Variants in CELF2 observed in about 807,000 individuals in gnomAD.
The protein encoded by CELF2 is CUG triplet repeat RNA-binding protein 2.
CELF2 carries 8 observed loss-of-function variants against 62.6 expected under a neutral mutation model. The observed-to-expected ratio is 0.13, with a 90% CI of 0.07 to 0.23. The LOEUF (loss-of-function observed/expected upper bound fraction) is 0.23, where lower values mean the gene tolerates loss of function less well. Ranked by LOEUF, CELF2 falls within the 10% of genes least tolerant of loss-of-function variation. CELF2 has a pLI of 1.00. For missense variants in CELF2, 333 were observed against 671.0 expected, an observed-to-expected ratio of 0.50 and a Z score of 5.56; for synonymous variants, 258 against 250.0, an observed-to-expected ratio of 1.03 and a Z score of -0.30.
In CELF2 at chr10:11,012,010, A is replaced by T. The variant is rs534476103; in HGVS notation, c.53+6570A>T. The stretch of plus-strand genomic sequence containing the variant: ...GTTAACACATTGTACTTCTTATCTG[A>T]GGATCATGGTAGGCTTTGATTTTTC... On this transcript the variant is annotated intron_variant, in intron 1 of 12. Coordinates refer to the CELF2 transcript ENST00000416382. This position sits in a 1 kb window ranked among gnomAD's most constrained non-coding sequence, Gnocchi z 5.5. Among the ~76,000 whole-genome samples, 9 of 152,338 alleles carry T rather than the reference A, an allele frequency of 5.9e-5. No homozygotes were observed. The South Asian group carries it at 1.7e-3, about 28-fold the overall frequency.
Position 11,039,488 on chromosome 10 carries a change from A to C in CELF2, c.74+21325A>C, listed in dbSNP as rs1352958064. ...TAGTCACGGTCACAGTGTGTACTCA[A>C]AGTACCTTAAAACGAGTTCAGAGTT... On this transcript the variant is annotated intron_variant, in intron 1 of 12. Coordinates refer to ENST00000633077, the MANE Select transcript of CELF2 (RefSeq NM_001326342.2). The surrounding 1 kb of genome is among the most constrained non-coding windows in gnomAD (Gnocchi z 4.1). Among the ~76,000 whole-genome samples the C allele has an allele frequency of 6.6e-6, 1 of 152,144 alleles. No individual in the cohort carries two copies. The highest frequency in any genetic ancestry group is 1.5e-5 in the Non-Finnish European group (1 of 68,026).
intron 2 of CELF2, among the ~76,000 whole-genome samples, chr10:10,962,844 C>T (rs1173612336): frequency 6.6e-6 from 1 of 152,216 alleles, no homozygotes; most frequent in Non-Finnish European, 1.5e-5. Context: ...AGTGGTCACT[C>T]AAACCCTCAG....
chr10:11,245,513 C>T (rs1009196935), intron 3 of CELF2, among the ~76,000 whole-genome samples: 1 of 152,182 alleles, frequency 6.6e-6, no homozygotes, highest in African/African-American at 2.4e-5. Context: ...TCTGACAATC[C>T]ACGGCTCTGC....
Position 11,220,555 on chromosome 10 carries a change from C to T in CELF2, c.354+3048C>T, listed in dbSNP as rs998620033. Among the ~76,000 whole-genome samples, 10 of 152,324 alleles carry T rather than the reference C, an allele frequency of 6.6e-5. No individual in the cohort carries two copies. The highest frequency in any genetic ancestry group is 1.0e-4 in the Non-Finnish European group (7 of 68,026). ...TTGAGGTGACAGATCAGGGCTCTTA[C>T]GGAGCAGTGCAAAATCATTGAAGAC... On this transcript the variant is annotated intron_variant, in intron 3 of 12. Transcript: ENST00000633077. The surrounding 1 kb of genome is among the most constrained non-coding windows in gnomAD (Gnocchi z 4.4).
the CELF2 span, among the ~76,000 whole-genome samples, chr10:10,464,424 CT>C: frequency 2.4e-4 from 36 of 151,186 alleles, no homozygotes; most frequent in African/African-American, 4.8e-4. Flanking sequence ...CAGTACTTGT[CT>C]TTTTTTTTAT....
the CELF2 span, among the ~76,000 whole-genome samples, chr10:10,547,692 A>AGAGAGAGTGTGTGTGTGTGTGT: frequency 8.0e-5 from 11 of 138,004 alleles, no homozygotes; most frequent in African/African-American, 2.2e-4. Context: ...AGAGAGAGAG[A>AGAGAGAGTGTGTGTGTGTGTGT]GTGTGTGTGT....
intron 1 of CELF2, among the ~76,000 whole-genome samples, chr10:11,051,036 C>CAGCTA (rs1487336243): frequency 6.6e-6 from 1 of 152,194 alleles, no homozygotes; most frequent in African/African-American, 2.4e-5. Flanking sequence ...CTATTTTTAG[C>CAGCTA]AGCTAGATCA....
the CELF2 span, among the ~76,000 whole-genome samples, chr10:10,652,948 C>T: frequency 6.6e-6 from 1 of 152,164 alleles, no homozygotes; most frequent in Non-Finnish European, 1.5e-5. Flanking sequence ...CAAGACCCAT[C>T]AGTGTGCTGT....
chr10:10,657,468 C>T, the CELF2 span, among the ~76,000 whole-genome samples: 7 of 151,934 alleles, frequency 4.6e-5, no homozygotes, highest in African/African-American at 1.5e-4. Flanking sequence ...ACTTTAAATG[C>T]GTGAGTTATA....
intron 1 of CELF2, among the ~76,000 whole-genome samples, chr10:10,897,528 C>T (rs2062646927): frequency 6.6e-6 from 1 of 152,090 alleles, no homozygotes; most frequent in African/African-American, 2.4e-5. Flanking sequence ...AATTCTCAAC[C>T]TATCCAGATA....
chr10:10,497,358 C>G, the CELF2 span, among the ~76,000 whole-genome samples: 1 of 152,074 alleles, frequency 6.6e-6, no homozygotes, highest in African/African-American at 2.4e-5. Flanking sequence ...GCATTCAGTT[C>G]ATGCAAAAAT....
chr10:10,558,671 C>G, the CELF2 span, among the ~76,000 whole-genome samples: 1 of 152,054 alleles, frequency 6.6e-6, no homozygotes, highest in Non-Finnish European at 1.5e-5. Flanking sequence ...GTCCTGGACT[C>G]TTTTTGCTTG....
intron 1 of CELF2, among the ~76,000 whole-genome samples, chr10:11,069,004 C>G (rs759982655): frequency 6.6e-6 from 1 of 152,202 alleles, no homozygotes; most frequent in Non-Finnish European, 1.5e-5. Flanking sequence ...ATTTCATCAT[C>G]TGAGGAATTT....
the CELF2 span, among the ~76,000 whole-genome samples, chr10:10,563,360 C>T: frequency 1.5e-4 from 23 of 151,998 alleles, no homozygotes; most frequent in African/African-American, 5.3e-4. Flanking sequence ...CCTCTAATCC[C>T]AGCACTTTGG....
chr10:10,700,028 C>T, the CELF2 span, among the ~76,000 whole-genome samples: 1 of 152,206 alleles, frequency 6.6e-6, no homozygotes, highest in Non-Finnish European at 1.5e-5. Flanking sequence ...CTGAGAATTT[C>T]ACCCCCACTA....
intron 1 of CELF2, among the ~76,000 whole-genome samples, chr10:11,147,973 CA>C (rs2062589189): frequency 6.6e-6 from 1 of 152,120 alleles, no homozygotes; most frequent in Non-Finnish European, 1.5e-5. Flanking sequence ...GGCCACAGGG[CA>C]GAATGAGGAA....
At position 11,046,747 on chromosome 10, in the gene CELF2, C is replaced by G. The variant is rs1419986302; in HGVS notation, c.74+28584C>G. ...CAAAGAGTTTTTGTAAATCCCATGT[C>G]TTTAATCTCATTTCGCTATTTCTCA... On this transcript the variant is annotated intron_variant, in intron 1 of 12. Coordinates refer to ENST00000633077, the MANE Select transcript of CELF2 (RefSeq NM_001326342.2). The surrounding 1 kb of genome is among the most constrained non-coding windows in gnomAD (Gnocchi z 4.6). Among the ~76,000 whole-genome samples, 1 of 152,210 alleles carries G rather than the reference C, an allele frequency of 6.6e-6. No homozygotes were observed.
intron 2 of CELF2, among the ~76,000 whole-genome samples, chr10:11,174,710 C>G (rs549360481): frequency 1.6e-4 from 25 of 152,306 alleles, no homozygotes; most frequent in African/African-American, 5.8e-4. Flanking sequence ...CAGCTTTACC[C>G]GCATGTGGGT....
At chr10:11,161,440 C>T (rs1462745870) in intron 1 of CELF2, among the ~76,000 whole-genome samples, 1 of 152,212 alleles carries the variant, frequency 6.6e-6, no homozygotes, top group African/African-American at 2.4e-5. Flanking sequence ...AGAAACCCAA[C>T]TCATGGAACG....
Sources: allele counts gnomAD v4.1 joint callset (sites outside exome capture counted in the v4.1 genomes callset), GRCh38; gene constraint gnomAD v4.1.1; non-coding constraint Gnocchi (gnomAD v3.1); transcripts MANE v1.5; gene names NCBI Gene and HGNC (gene_info 2026-07-23, HGNC 2026-07-21).